The following TSNARE1 variants were observed in gnomAD, a reference collection of about 807,000 sequenced individuals.
TSNARE1 encodes t-SNARE domain-containing protein 1.
Under a neutral mutation model 62.0 loss-of-function variants are expected in TSNARE1, and 49 were observed. That is an observed-to-expected ratio of 0.79 (90% CI 0.63 to 1.00). TSNARE1 has a LOEUF of 1.00. Ranked by LOEUF, TSNARE1 falls within the 50% of genes least tolerant of loss-of-function variation. TSNARE1 has a pLI of 0.00. For missense variants in TSNARE1, 755 were observed against 700.1 expected (o/e 1.08, Z -0.88); for synonymous variants, 328 against 294.4 (o/e 1.11, Z -1.17).
At chr8:142,218,258 A>AGGCTCAGGGTGTGGCCAGGGTCAG (rs1419215508) in intron 13 of TSNARE1, among the ~76,000 whole-genome samples, 1 of 53,074 alleles carries the variant, frequency 1.9e-5, no homozygotes, top group African/African-American at 1.0e-4. Context: ...GACCGGGATC[A>AGGCTCAGGGTGTGGCCAGGGTCAG]GGCTCAGGGT....
At chr8:142,398,612 A>G (rs901552908) in intron 1 of TSNARE1, among the ~76,000 whole-genome samples, 3 of 152,106 alleles carry the variant, frequency 2.0e-5, no homozygotes, top group African/African-American at 7.2e-5. Context: ...TGTAAGGTGC[A>G]CAGCAGTGTC....
At chr8:142,217,327 G>GAA (rs1815906371) in intron 13 of TSNARE1, among the ~76,000 whole-genome samples, 1 of 45,704 alleles carries the variant, frequency 2.2e-5, no homozygotes, top group African/African-American at 6.0e-5. Flanking sequence ...AAGAAAGAAA[G>GAA]AAAGAAAGAA....
chr8:142,240,278 G>T (rs147823126), intron 12 of TSNARE1, among the ~76,000 whole-genome samples: 1 of 152,126 alleles, frequency 6.6e-6, no homozygotes, highest in South Asian at 2.1e-4. Context: ...ATGCTGAAAG[G>T]TTCACTTCAC....
chr8:142,266,859 C>T lies in TSNARE1; in HGVS notation c.1446+7922G>A, dbSNP rs534262029. 9.9e-4 allele frequency among the ~76,000 whole-genome samples: 150 copies of T among 152,254 alleles called. 1 individual carries two copies. The highest frequency in any genetic ancestry group is 1.8e-3 in the Non-Finnish European group (124 of 68,028). On this transcript the variant is annotated intron_variant, in intron 12 of 13. Transcript: ENST00000524325. ...CTACTCTCCCCATCTCTTCATCTGTCGTAGTTTCTATTTTCTTACCTCTCT... is the reference window on the plus strand; with the variant it reads ...CTACTCTCCCCATCTCTTCATCTGTTGTAGTTTCTATTTTCTTACCTCTCT...
At chr8:142,265,889 A>G (rs1428919487) in intron 12 of TSNARE1, among the ~76,000 whole-genome samples, 1 of 152,216 alleles carries the variant, frequency 6.6e-6, no homozygotes, top group Admixed American at 6.5e-5. Context: ...GTCGGATCAA[A>G]TTGTTGTGCA....
At chr8:142,302,482 A>G (rs1327178811) in intron 9 of TSNARE1, among the ~76,000 whole-genome samples, 2 of 152,108 alleles carry the variant, frequency 1.3e-5, no homozygotes, top group Non-Finnish European at 2.9e-5. Flanking sequence ...CTGCTGGGAC[A>G]GGACTCTCAG....
At chr8:142,362,391 G>T (rs1835230895) in intron 1 of TSNARE1, among the ~76,000 whole-genome samples, 1 of 152,148 alleles carries the variant, frequency 6.6e-6, no homozygotes, top group Admixed American at 6.5e-5. Context: ...GGCCTCTTTA[G>T]ACTTCTCTGT....
At chr8:142,216,192 A>G (rs1373030401) in intron 13 of TSNARE1, among the ~76,000 whole-genome samples, 1 of 152,114 alleles carries the variant, frequency 6.6e-6, no homozygotes, top group African/African-American at 2.4e-5. Context: ...GTGTAGAAGA[A>G]GCTCCCACCT....
At chr8:142,301,079 G>A (rs572237589) in intron 9 of TSNARE1, among the ~76,000 whole-genome samples, 238 of 148,696 alleles carry the variant, frequency 1.6e-3, no homozygotes, top group African/African-American at 5.7e-3. Context: ...TCAGGAGCCC[G>A]GCCACAGTGC....
At chr8:142,284,127 A>AGGGCCAGTGTCTGTCAATGAGCAGAGTGG (rs1563827238) in intron 11 of TSNARE1, among the ~76,000 whole-genome samples, 7 of 100,438 alleles carry the variant, frequency 7.0e-5, no homozygotes, top group Non-Finnish European at 1.7e-4. Context: ...GAGGAGAGGC[A>AGGGCCAGTGTCTGTCAATGAGCAGAGTGG]GGGCCAGTGT....
At chr8:142,271,435 C>T (rs1312717010) in intron 12 of TSNARE1, 5 of 1,254,452 alleles carry the variant, frequency 4.0e-6, no homozygotes, top group South Asian at 3.3e-5. Context: ...CAAATGCGGA[C>T]GTTTCAGATG....
intron 6 of TSNARE1, among the ~76,000 whole-genome samples, chr8:142,325,007 C>T (rs80338163): frequency 0.021 from 3,148 of 152,334 alleles, 41 homozygotes; most frequent in East Asian, 0.07. Context: ...GGCAACACCC[C>T]AGGAGTGACT....
At chr8:142,247,354 T>C (rs1264341058) in intron 12 of TSNARE1, among the ~76,000 whole-genome samples, 2 of 152,238 alleles carry the variant, frequency 1.3e-5, no homozygotes, top group Non-Finnish European at 2.9e-5. Flanking sequence ...TTCTCAAGGC[T>C]TCAGATGTAA....
rs187217917 is a variant in TSNARE1, at chr8:142,333,695, G to A, written c.746-1864C>T. ...TCTGGGTGCACACAGGCCTGTCCAC[G>A]TATGCTCTGTGCACCCCTGGCTCCC... On this transcript the variant is annotated intron_variant, in intron 4 of 13. Transcript: ENST00000524325. 3.2e-4 allele frequency among the ~76,000 whole-genome samples: 48 copies of A among 152,336 alleles called. 1 individual carries two copies. Among genetic ancestry groups the A allele is most frequent in the Admixed American group, 1.2e-3 (19 of 15,312 alleles).
At chr8:142,330,113 G>C (rs993651872) in intron 6 of TSNARE1, among the ~76,000 whole-genome samples, 6 of 152,234 alleles carry the variant, frequency 3.9e-5, no homozygotes, top group African/African-American at 1.4e-4. Flanking sequence ...GGGCTGGCTG[G>C]GGTCCTTGGA....
intron 1 of TSNARE1, among the ~76,000 whole-genome samples, chr8:142,392,870 G>A (rs1460454043): frequency 1.3e-5 from 2 of 151,918 alleles, no homozygotes; most frequent in East Asian, 1.9e-4. Flanking sequence ...AACCTGGGAG[G>A]TGGAGGTTGC....
At chr8:142,217,678 C>G (rs573596435) in intron 13 of TSNARE1, among the ~76,000 whole-genome samples, 1 of 152,360 alleles carries the variant, frequency 6.6e-6, no homozygotes, top group East Asian at 1.9e-4. Flanking sequence ...CAGGGCTAGT[C>G]CATAGCCAGG....
chr8:142,325,547 G>C (rs1187531923), intron 6 of TSNARE1, among the ~76,000 whole-genome samples: 1 of 152,182 alleles, frequency 6.6e-6, no homozygotes, highest in East Asian at 1.9e-4. Flanking sequence ...GAGTGGACAG[G>C]CCAGCCCACG....
intron 12 of TSNARE1, chr8:142,271,780 T>A: frequency 1.1e-6 from 1 of 902,698 alleles, no homozygotes; most frequent in Non-Finnish European, 1.5e-6. Context: ...AGTGCCCATG[T>A]GAGGCCTCTG....
Sources: gnomAD v4.1 joint callset for allele counts (sites outside exome capture counted in the v4.1 genomes callset) on GRCh38, gnomAD v4.1.1 for gene constraint, MANE v1.5 for transcripts, NCBI Gene and HGNC (gene_info 2026-07-23, HGNC 2026-07-21) for gene names.